Variants in IRF8 observed in about 807,000 individuals in gnomAD.
IRF8 encodes interferon consensus sequence binding protein 1.
IRF8 carries 14 observed loss-of-function variants against 48.7 expected under a neutral mutation model. The ratio of observed to expected loss-of-function variants is 0.29; its 90% CI spans 0.19 to 0.45. The LOEUF (loss-of-function observed/expected upper bound fraction) is 0.45, where lower values mean the gene tolerates loss of function less well. IRF8 is among the 20% of genes least tolerant of loss of function. The pLI is 1.00. For missense variants in IRF8, 493 were observed against 580.7 expected (o/e 0.85, Z 1.55); for synonymous variants, 278 against 227.3 (o/e 1.22, Z -2.01).
Position 85,920,960 on chromosome 16 carries a change from G to C in IRF8, c.1105-146G>C. 3 of 821,666 alleles carry C rather than the reference G, an allele frequency of 3.7e-6. No homozygotes were observed. In the South Asian group the frequency reaches 4.4e-5, roughly 12 times the overall value. 50.9% of individuals were successfully genotyped at this position (821,666 alleles called of 1,614,324 possible). ...ATGGAACAGTTTTGGCAGGAGTACT[G>C]CTTGCCCTTCCTTGGCATTCTGGCT... is the stretch of plus-strand genomic sequence containing the variant. On this transcript the variant is annotated intron_variant, in intron 8 of 8. Transcript: ENST00000268638.
At chr16:85,900,029 T>C (rs1904779634) in intron 1 of IRF8, among the ~76,000 whole-genome samples, 2 of 152,198 alleles carry the variant, frequency 1.3e-5, no homozygotes, top group African/African-American at 2.4e-5. Flanking sequence ...AAAATGACAG[T>C]TCAAAGCTTG....
intron 6 of IRF8, 63 bp from the exon 7 acceptor site, chr16:85,918,354 T>C (rs750704275): frequency 1.3e-6 from 2 of 1,551,646 alleles, no homozygotes; most frequent in East Asian, 2.3e-5. Context: ...GACTGTGCAC[T>C]TGGGCAGGAG....
intron 1 of IRF8, among the ~76,000 whole-genome samples, chr16:85,902,398 G>C (rs1013754550): frequency 3.9e-5 from 6 of 152,214 alleles, no homozygotes; most frequent in African/African-American, 1.4e-4. Flanking sequence ...TTTAAATGCT[G>C]ATCCAGCGTC....
chr16:85,908,315 T>C (rs1905059513), intron 2 of IRF8, among the ~76,000 whole-genome samples: 1 of 152,222 alleles, frequency 6.6e-6, no homozygotes, highest in Admixed American at 6.5e-5. Flanking sequence ...TTCTACATTA[T>C]GACTTTAAGA....
At chr16:85,914,119 C>T (rs564271984) in intron 5 of IRF8, 2 of 348,336 alleles carry the variant, frequency 5.7e-6, no homozygotes, top group South Asian at 5.0e-5. Context: ...CCCAGGCTCT[C>T]CCCCAGAGAT....
chr16:85,903,115 A>G lies in IRF8; in HGVS notation c.100A>G (p.Ser34Gly). The change falls in exon 2 of 9, where the codon AGC (serine) becomes GGC (glycine). Residue 34 changes from serine to glycine, a missense_variant. Around this residue, in one of 3 missense-constraint regions of IRF8, gnomAD observed 54 missense variants for 59.9 expected, o/e 0.90. Transcript: ENST00000268638. ...ACTGATTTGGGAGAATGAGGAGAAG[A>G]GCATGTTCCGGATCCCTTGGAAACA... ...PGLIWENEEK[S>G]MFRIPWKHAG... 6.2e-7 allele frequency: 1 copy of G among 1,614,176 alleles called. No individual in the cohort carries two copies. Among genetic ancestry groups the G allele is most frequent in the African/African-American group, 1.3e-5 (1 of 75,048 alleles).
At chr16:85,918,264 C>T (rs982183235) in intron 6 of IRF8, 153 bp from the exon 7 acceptor site, 8 of 828,734 alleles carry the variant, frequency 9.7e-6, no homozygotes, top group Non-Finnish European at 1.5e-5. Context: ...AACATTACTT[C>T]TACAAGCAGT....
intron 2 of IRF8, among the ~76,000 whole-genome samples, chr16:85,906,675 G>A (rs1427903570): frequency 6.6e-6 from 1 of 152,228 alleles, no homozygotes; most frequent in Non-Finnish European, 1.5e-5. Context: ...TCACAACGTT[G>A]CCATGAAATC....
intron 5 of IRF8, 39 bp downstream of exon 5, chr16:85,913,275 C>A: frequency 7.0e-7 from 1 of 1,433,148 alleles, no homozygotes; most frequent in Non-Finnish European, 9.8e-7. Flanking sequence ...CAGGCATGGC[C>A]TGAAGGGTTT....
At chr16:85,920,540 C>G (rs1905518924) in intron 8 of IRF8, among the ~76,000 whole-genome samples, 1 of 152,144 alleles carries the variant, frequency 6.6e-6, no homozygotes, top group Admixed American at 6.5e-5. Context: ...GCCCGGCAGT[C>G]TGGGCAGCTT....
chr16:85,914,069 C>T (rs1597254361), intron 5 of IRF8: 1 of 275,906 alleles, frequency 3.6e-6, no homozygotes, highest in East Asian at 9.5e-5. Flanking sequence ...GCACCTCTGT[C>T]TGTGCTGCAG....
At chr16:85,899,698 G>C (rs1341797448) in intron 1 of IRF8, among the ~76,000 whole-genome samples, 1 of 152,190 alleles carries the variant, frequency 6.6e-6, no homozygotes, top group Admixed American at 6.5e-5. Flanking sequence ...TCTGTTTAAT[G>C]ACAGTCAATT....
chr16:85,920,997 G>GACTCACGTGGC, intron 8 of IRF8, 109 bp from the exon 9 acceptor site: 1 of 1,078,150 alleles, frequency 9.3e-7, no homozygotes, highest in Non-Finnish European at 1.4e-6. Context: ...ATTCACTTGG[G>GACTCACGTGGC]ACTCACGTGG....
At chr16:85,906,921 G>C (rs570364862) in intron 2 of IRF8, among the ~76,000 whole-genome samples, 3 of 152,246 alleles carry the variant, frequency 2.0e-5, no homozygotes, top group Non-Finnish European at 4.4e-5. Context: ...TGATATGTCA[G>C]GCTTGCCACG....
chr16:85,919,300 G>A (rs1385506579), intron 7 of IRF8, among the ~76,000 whole-genome samples: 1 of 152,152 alleles, frequency 6.6e-6, no homozygotes, highest in African/African-American at 2.4e-5. Flanking sequence ...CTTTCGTTAC[G>A]CTGTAGGGAG....
At chr16:85,912,468 A>C (rs1905173643) in intron 4 of IRF8, among the ~76,000 whole-genome samples, 1 of 152,204 alleles carries the variant, frequency 6.6e-6, no homozygotes, top group South Asian at 2.1e-4. Flanking sequence ...AACAGAATGT[A>C]ACCTACCCGA....
Position 85,918,646 on chromosome 16 carries a change from G to A in IRF8, c.831G>A (p.Gly277=), listed in dbSNP as rs1373296489. The A allele has an allele frequency of 6.2e-7, 1 of 1,609,466 alleles. No individual in the cohort carries two copies. Among genetic ancestry groups the A allele is most frequent in the African/African-American group, 1.3e-5 (1 of 74,932 alleles). Residue 277 remains glycine (G), a synonymous_variant, in exon 7 of 9, where the codon GGG becomes GGA. Transcript: ENST00000268638. The stretch of plus-strand genomic sequence containing the variant: ...AGCTGTTCGGGCACCTGGAGCGCGG[G>A]GTGCTGCTGCACAGCAGCCGGCAGG... ...TRKLFGHLER[G]VLLHSSRQGV...
intron 6 of IRF8, among the ~76,000 whole-genome samples, chr16:85,914,817 G>C (rs1375442896): frequency 6.6e-6 from 1 of 152,188 alleles, no homozygotes; most frequent in Non-Finnish European, 1.5e-5. Context: ...CGGTTCTGAG[G>C]ATGAGCAGGA....
chr16:85,915,981 A>G (rs1336176592), intron 6 of IRF8, among the ~76,000 whole-genome samples: 1 of 151,918 alleles, frequency 6.6e-6, no homozygotes, highest in African/African-American at 2.4e-5. Flanking sequence ...AAATGGGTAT[A>G]ATAATAATCT....
Sources: gnomAD v4.1 joint callset for allele counts (sites outside exome capture counted in the v4.1 genomes callset) on GRCh38, gnomAD v4.1.1 for gene constraint, gnomAD v4.1.1 regional missense constraint, MANE v1.5 for transcripts, NCBI Gene and HGNC (gene_info 2026-07-23, HGNC 2026-07-21) for gene names.